The following EDA variants were observed in gnomAD, a reference collection of about 807,000 sequenced individuals.
EDA encodes the protein ectodysplasin A.
A neutral mutation model predicts 23.6 loss-of-function variants in EDA; 2 were observed. That is an observed-to-expected ratio of 0.08 (90% CI 0.03 to 0.27). EDA has a LOEUF of 0.27. EDA is among the 10% of genes least tolerant of loss of function. EDA has a pLI of 1.00. For missense variants in EDA, 229 were observed against 324.2 expected, an observed-to-expected ratio of 0.71 and a Z score of 2.26; for synonymous variants, 131 against 132.0, an observed-to-expected ratio of 0.99 and a Z score of 0.05.
At chrX:69,856,571 G>A (rs2017258237) in intron 1 of EDA, among the ~76,000 whole-genome samples, 1 of 110,675 alleles carries the variant, frequency 9.0e-6, no homozygotes, top group African/African-American at 3.3e-5. Context: ...TAGTAGTGAG[G>A]TGGTATCACC....
At chrX:70,017,253 G>T (rs2019963914) in intron 2 of EDA, among the ~76,000 whole-genome samples, 1 of 111,774 alleles carries the variant, frequency 8.9e-6, no homozygotes, top group African/African-American at 3.3e-5. Context: ...AGGACCAGGT[G>T]GATTCACAGC....
chrX:69,845,760 T>C (rs2016993794), intron 1 of EDA, among the ~76,000 whole-genome samples: 1 of 111,729 alleles, frequency 9.0e-6, no homozygotes, highest in Admixed American at 9.5e-5. Context: ...CTTGGATATT[T>C]GTACTGAGGG....
chrX:69,971,732 C>T (rs757169948), intron 2 of EDA, among the ~76,000 whole-genome samples: 17 of 109,983 alleles, frequency 1.5e-4, no homozygotes, highest in African/African-American at 4.6e-4. Flanking sequence ...ATGTGCTTCT[C>T]GCGTCTTCAC....
intron 1 of EDA, among the ~76,000 whole-genome samples, chrX:69,714,929 G>C (rs1279541912): frequency 9.1e-6 from 1 of 110,080 alleles, no homozygotes; most frequent in Non-Finnish European, 1.9e-5. Context: ...AAAAATCCTT[G>C]TTAGGATTTT....
chrX:69,951,698 A>G (rs1409553664), intron 1 of EDA, among the ~76,000 whole-genome samples: 1 of 112,040 alleles, frequency 8.9e-6, no homozygotes, highest in African/African-American at 3.2e-5. Flanking sequence ...TATATAAAAA[A>G]TATGTTTGTA....
chrX:70,033,660 G>C (rs1259659762), intron 7 of EDA, 132 bp downstream of exon 7: 2 of 736,378 alleles, frequency 2.7e-6, no homozygotes, highest in Non-Finnish European at 2.0e-6. Flanking sequence ...GGGGTGGGGG[G>C]ACCGCACTGG....
At chrX:69,837,546 A>G (rs768732024) in intron 1 of EDA, among the ~76,000 whole-genome samples, 1 of 112,269 alleles carries the variant, frequency 8.9e-6, no homozygotes, top group Non-Finnish European at 1.9e-5. Flanking sequence ...TGTTAAGATC[A>G]TGTTTATATT....
chrX:69,682,689 G>T (rs1424510680), intron 1 of EDA, among the ~76,000 whole-genome samples: 1 of 111,426 alleles, frequency 9.0e-6, no homozygotes, highest in Non-Finnish European at 1.9e-5. Flanking sequence ...CTCGCACACG[G>T]TTCACGCACC....
intron 1 of EDA, among the ~76,000 whole-genome samples, chrX:69,853,834 A>G (rs1218597017): frequency 9.3e-6 from 1 of 107,939 alleles, no homozygotes; most frequent in African/African-American, 3.3e-5. Flanking sequence ...TTTGTTGCAT[A>G]CTCCTCTGTT....
At chrX:69,825,226 G>A (rs1212707777) in intron 1 of EDA, among the ~76,000 whole-genome samples, 6 of 90,163 alleles carry the variant, frequency 6.7e-5, no homozygotes, top group Admixed American at 1.2e-4. Context: ...ATGAGTTAGG[G>A]AGGATTCCCT....
intron 1 of EDA, among the ~76,000 whole-genome samples, chrX:69,756,352 T>C (rs1253196569): frequency 2.7e-5 from 3 of 112,346 alleles, no homozygotes; most frequent in South Asian, 3.7e-4. Flanking sequence ...ATTTTTTATA[T>C]ATTAGAGGAA....
intron 1 of EDA, among the ~76,000 whole-genome samples, chrX:69,716,917 G>A (rs2012359152): frequency 9.0e-6 from 1 of 111,442 alleles, no homozygotes; most frequent in African/African-American, 3.3e-5. Flanking sequence ...CACTGATTTT[G>A]TATCCTGAAA....
intron 1 of EDA, among the ~76,000 whole-genome samples, chrX:69,787,763 A>T (rs2015245890): frequency 1.8e-5 from 2 of 109,872 alleles, no homozygotes; most frequent in South Asian, 3.9e-4. Context: ...TCTGACAATT[A>T]TGTGTCTTGC....
intron 1 of EDA, among the ~76,000 whole-genome samples, chrX:69,824,847 G>C (rs201930454): frequency 0.27 from 13,342 of 50,173 alleles, 3,422 homozygotes; most frequent in East Asian, 0.96. Context: ...GTCATAGGTA[G>C]CTCTTATTAT....
intron 2 of EDA, among the ~76,000 whole-genome samples, chrX:69,960,511 C>G (rs2019084079): frequency 9.0e-6 from 1 of 110,916 alleles, no homozygotes; most frequent in African/African-American, 3.3e-5. Context: ...TAAGTCTACA[C>G]TAAACATCAC....
chrX:69,740,113 A>G (rs530751708), intron 1 of EDA, among the ~76,000 whole-genome samples: 1 of 111,445 alleles, frequency 9.0e-6, no homozygotes. Context: ...TCTATATGTA[A>G]TAAGCCCAAT....
At position 69,616,170 on chromosome X, in the gene EDA, C is replaced by G. The variant is rs1184496005; in HGVS notation, c.-139C>G. 1.2e-5 allele frequency: 9 copies of G among 725,554 alleles called. No individual in the cohort carries two copies. The highest frequency in any genetic ancestry group is 1.8e-5 in the Non-Finnish European group (9 of 500,103). 59.8% of individuals were successfully genotyped at this position (725,554 alleles called of 1,213,427 possible). On this transcript the variant is annotated 5_prime_UTR_variant, in exon 1 of 8. Coordinates refer to ENST00000374552, the MANE Select transcript of EDA (RefSeq NM_001399.5). ...TGCGGCTGCTCCCTGCTCCGTCCCGCCCAGCCACTGTCGCGCAGGAACGGG... is the reference window on the plus strand; with the variant it reads ...TGCGGCTGCTCCCTGCTCCGTCCCGGCCAGCCACTGTCGCGCAGGAACGGG...
At chrX:69,704,277 A>G (rs1039141126) in intron 1 of EDA, among the ~76,000 whole-genome samples, 8 of 111,949 alleles carry the variant, frequency 7.1e-5, no homozygotes, top group Non-Finnish European at 1.5e-4. Flanking sequence ...AATTGGTTGA[A>G]ACAGTTATTA....
chrX:69,806,747 C>T (rs1370141533), intron 1 of EDA, among the ~76,000 whole-genome samples: 1 of 109,949 alleles, frequency 9.1e-6, no homozygotes, highest in Non-Finnish European at 1.9e-5. Flanking sequence ...GTTATCTAGA[C>T]AGATGGTAGG....
Sources: gnomAD v4.1 joint callset for allele counts (sites outside exome capture counted in the v4.1 genomes callset) on GRCh38, gnomAD v4.1.1 for gene constraint, MANE v1.5 for transcripts, NCBI Gene and HGNC (gene_info 2026-07-23, HGNC 2026-07-21) for gene names.